Variants in CSRNP3 observed in about 807,000 individuals in gnomAD.
CSRNP3 encodes cysteine/serine-rich nuclear protein 3.
In CSRNP3, 12 loss-of-function variants were observed where a neutral mutation model predicts 48.0. The ratio of observed to expected loss-of-function variants is 0.25; its 90% CI spans 0.16 to 0.41. The LOEUF (loss-of-function observed/expected upper bound fraction) is 0.41. CSRNP3 is among the 10% of genes least tolerant of loss of function. The pLI is 1.00. For missense variants in CSRNP3, 580 were observed against 724.4 expected, an observed-to-expected ratio of 0.80 and a Z score of 2.29; for synonymous variants, 263 against 269.7, an observed-to-expected ratio of 0.98 and a Z score of 0.24.
intron 3 of CSRNP3, among the ~76,000 whole-genome samples, chr2:165,559,927 G>A (rs1467597557): frequency 1.3e-5 from 2 of 150,358 alleles, no homozygotes; most frequent in Non-Finnish European, 3.0e-5. Flanking sequence ...AGCCTCCTGA[G>A]TAGCTGGGAC....
intron 3 of CSRNP3, among the ~76,000 whole-genome samples, chr2:165,545,904 T>C (rs1333044311): frequency 6.6e-6 from 1 of 152,142 alleles, no homozygotes; most frequent in Non-Finnish European, 1.5e-5. Context: ...TGAATGATAA[T>C]TTACCTCAGG....
chr2:165,541,342 T>C (rs1684955091), intron 3 of CSRNP3, among the ~76,000 whole-genome samples: 1 of 152,038 alleles, frequency 6.6e-6, no homozygotes, highest in Admixed American at 6.6e-5. Context: ...CTTTACTCGA[T>C]CACTTTTCAT....
intron 4 of CSRNP3, among the ~76,000 whole-genome samples, chr2:165,651,503 A>G (rs1686903182): frequency 6.6e-6 from 1 of 152,166 alleles, no homozygotes; most frequent in Non-Finnish European, 1.5e-5. Context: ...ATGCTGAATA[A>G]TTCTTAGTTT....
At chr2:165,658,405 G>A (rs1687043076) in intron 5 of CSRNP3, among the ~76,000 whole-genome samples, 1 of 152,166 alleles carries the variant, frequency 6.6e-6, no homozygotes, top group African/African-American at 2.4e-5. Context: ...GTGCAATGTA[G>A]AAGAGTTGCA....
chr2:165,524,432 A>G (rs1012540163), intron 3 of CSRNP3, among the ~76,000 whole-genome samples: 1 of 152,228 alleles, frequency 6.6e-6, no homozygotes, highest in African/African-American at 2.4e-5. Flanking sequence ...AAAGTATTTA[A>G]GCAATGCAAG....
At chr2:165,569,334 A>G (rs1342597155) in intron 3 of CSRNP3, among the ~76,000 whole-genome samples, 1 of 152,066 alleles carries the variant, frequency 6.6e-6, no homozygotes, top group Non-Finnish European at 1.5e-5. Flanking sequence ...GGTGTTAGTA[A>G]ATCTTTCTTC....
chr2:165,629,548 G>C (rs771213514), intron 4 of CSRNP3, among the ~76,000 whole-genome samples: 1 of 152,142 alleles, frequency 6.6e-6, no homozygotes, highest in Non-Finnish European at 1.5e-5. Flanking sequence ...TTTTCTGTGA[G>C]GCAGCTGAGG....
chr2:165,590,778 T>C (rs186135683), intron 3 of CSRNP3, among the ~76,000 whole-genome samples: 131 of 152,302 alleles, frequency 8.6e-4, no homozygotes, highest in African/African-American at 3.0e-3. Context: ...AATTGTAAGT[T>C]TCCTGAGGCC....
chr2:165,532,556 A>T (rs1684827988), intron 3 of CSRNP3, among the ~76,000 whole-genome samples: 1 of 152,074 alleles, frequency 6.6e-6, no homozygotes, highest in Non-Finnish European at 1.5e-5. Context: ...GATGGGACGT[A>T]TCTCAAAATA....
intron 5 of CSRNP3, among the ~76,000 whole-genome samples, chr2:165,675,364 A>G (rs907460948): frequency 1.3e-5 from 2 of 152,148 alleles, no homozygotes; most frequent in Non-Finnish European, 2.9e-5. Flanking sequence ...TTTCTCATGG[A>G]GTTTCTGCAT....
At chr2:165,676,796 G>A (rs577131103) in intron 6 of CSRNP3, among the ~76,000 whole-genome samples, 188 bp downstream of exon 6, 3 of 152,110 alleles carry the variant, frequency 2.0e-5, no homozygotes, top group Non-Finnish European at 4.4e-5. Flanking sequence ...GCCATTCATG[G>A]GAATACATAA....
At chr2:165,666,362 G>A (rs1167613714) in intron 5 of CSRNP3, among the ~76,000 whole-genome samples, 2 of 84,498 alleles carry the variant, frequency 2.4e-5, no homozygotes, top group Non-Finnish European at 5.0e-5. Context: ...AAGGAAGGAA[G>A]GAAAGAGAGA....
intron 1 of CSRNP3, among the ~76,000 whole-genome samples, chr2:165,477,313 G>C (rs750990456): frequency 2.6e-5 from 4 of 151,092 alleles, no homozygotes; most frequent in African/African-American, 9.7e-5. Flanking sequence ...TTTAACGAAG[G>C]GTATGTAATA....
At chr2:165,659,434 A>G (rs1369015401) in intron 5 of CSRNP3, among the ~76,000 whole-genome samples, 3 of 152,194 alleles carry the variant, frequency 2.0e-5, no homozygotes, top group East Asian at 3.8e-4. Context: ...CTGTTTTGCT[A>G]TGACAAGGAA....
intron 4 of CSRNP3, among the ~76,000 whole-genome samples, chr2:165,635,006 G>A (rs935787838): frequency 3.3e-5 from 5 of 152,182 alleles, no homozygotes; most frequent in African/African-American, 1.2e-4. Flanking sequence ...CAGTCCTGAG[G>A]GGAGTGTTCC....
intron 2 of CSRNP3, among the ~76,000 whole-genome samples, chr2:165,509,983 T>G (rs1226801595): frequency 6.6e-6 from 1 of 152,202 alleles, no homozygotes; most frequent in African/African-American, 2.4e-5. Flanking sequence ...TTTTCTCTGA[T>G]GTTTTCTAAT....
intron 3 of CSRNP3, among the ~76,000 whole-genome samples, chr2:165,579,174 A>G (rs898265053): frequency 1.3e-5 from 2 of 152,164 alleles, no homozygotes; most frequent in East Asian, 3.9e-4. Flanking sequence ...TGAGGAAAAG[A>G]TGTGTTTTCC....
chr2:165,561,161 A>C (rs1685228980), intron 3 of CSRNP3, among the ~76,000 whole-genome samples: 1 of 152,200 alleles, frequency 6.6e-6, no homozygotes, highest in Admixed American at 6.5e-5. Flanking sequence ...AGAATACTTG[A>C]GTTGAAAAGA....
In CSRNP3 at chr2:165,491,952, A is replaced by AT. The variant is rs1371211361; in HGVS notation, c.-282-2807_-282-2806insT. On this transcript the variant is annotated intron_variant, in intron 1 of 6. Coordinates refer to ENST00000651982, the MANE Select transcript of CSRNP3 (RefSeq NM_001172173.2). ...GTACCCTAAAACTTAAAGTATAATA[A>AT]AAAAAAAAAAAAAAACAAAGCTAGA... Among the ~76,000 whole-genome samples the AT allele has an allele frequency of 5.5e-3, 786 of 142,532 alleles. 5 individuals are homozygous for AT. Among genetic ancestry groups the AT allele is most frequent in the African/African-American group, 0.021 (749 of 36,514 alleles). The allele number at this position is 142,532 out of a possible 152,430, so 93.5% of individuals were successfully genotyped here. A position where few individuals can be genotyped will look rare whatever the true frequency, so the allele number is the denominator to read the frequency against.
Sources: gnomAD v4.1 joint callset for allele counts (sites outside exome capture counted in the v4.1 genomes callset) on GRCh38, gnomAD v4.1.1 for gene constraint, MANE v1.5 for transcripts, NCBI Gene and HGNC (gene_info 2026-07-23, HGNC 2026-07-21) for gene names.